ACSM3: variants seen among roughly 807,000 people sequenced by gnomAD.
ACSM3 encodes the protein acyl-CoA synthetase medium chain family member 3.
Under a neutral mutation model 74.1 loss-of-function variants are expected in ACSM3, and 61 were observed. The observed-to-expected ratio is 0.82, with a 90% CI of 0.67 to 1.02. The LOEUF is 1.02. Ranked by LOEUF, ACSM3 falls within the 50% of genes least tolerant of loss-of-function variation. ACSM3 has a pLI of 0.00. For synonymous variants in ACSM3, 213 were observed against 241.5 expected (o/e 0.88, Z 1.09); for missense variants, 660 against 697.0 (o/e 0.95, Z 0.60).
intron 1 of ACSM3, among the ~76,000 whole-genome samples, chr16:20,683,593 C>T (rs2079489032): frequency 6.6e-6 from 1 of 150,754 alleles, no homozygotes; most frequent in Admixed American, 6.6e-5. Flanking sequence ...AATGTCCTTC[C>T]TTTGTTTCTA....
At chr16:20,782,810 C>T (rs1254840682) in intron 7 of ACSM3, among the ~76,000 whole-genome samples, 1 of 152,164 alleles carries the variant, frequency 6.6e-6, no homozygotes, top group Non-Finnish European at 1.5e-5. Context: ...CTTACATTTC[C>T]CAGCTTATTA....
chr16:20,760,509 C>G (rs920179708), upstream of ACSM3, among the ~76,000 whole-genome samples: 1 of 152,130 alleles, frequency 6.6e-6, no homozygotes, highest in African/African-American at 2.4e-5. Flanking sequence ...AGCATTACAA[C>G]ATTTCTTACA....
At chr16:20,723,112 C>T (rs574529485) in intron 1 of ACSM3, among the ~76,000 whole-genome samples, 1 of 152,236 alleles carries the variant, frequency 6.6e-6, no homozygotes, top group Admixed American at 6.5e-5. Context: ...CAATTCCCAC[C>T]TATGAGTAAG....
At chr16:20,793,390 AC>A (rs35457598) in intron 12 of ACSM3, among the ~76,000 whole-genome samples, 2 of 152,140 alleles carry the variant, frequency 1.3e-5, no homozygotes, top group African/African-American at 2.4e-5. Flanking sequence ...AATCACTTGG[AC>A]CCGGGACGGG....
intron 1 of ACSM3, among the ~76,000 whole-genome samples, chr16:20,687,998 T>C (rs1567312876): frequency 6.6e-6 from 1 of 151,926 alleles, no homozygotes; most frequent in Non-Finnish European, 1.5e-5. Flanking sequence ...GGCAGGAGAA[T>C]TGCTTGAACC....
intron 2 of ACSM3, among the ~76,000 whole-genome samples, chr16:20,773,625 C>G (rs2080219966): frequency 1.3e-5 from 2 of 152,152 alleles, no homozygotes; most frequent in Non-Finnish European, 2.9e-5. Flanking sequence ...ACTGGTCATT[C>G]AGGAGCATGT....
intron 1 of ACSM3, among the ~76,000 whole-genome samples, chr16:20,745,582 TAA>T (rs1291641842): frequency 3.5e-3 from 25 of 7,150 alleles, no homozygotes; most frequent in Admixed American, 0.01. Context: ...TGTCTCAAAA[TAA>T]ATAAATAAAT....
In ACSM3 at chr16:20,791,230, T is replaced by TTG. The variant is rs755382564; in HGVS notation, c.1326+544_1326+545dup. ...GTATTTGATATAATGTAACAGTATC[T>TTG]TGTTTTTTCTTATGTCAGACTTGCA... On this transcript the variant is annotated intron_variant, in intron 10 of 13. Coordinates refer to ENST00000289416, the MANE Select transcript of ACSM3 (RefSeq NM_005622.4). Among the ~76,000 whole-genome samples, 8 of 152,344 alleles carry TTG rather than the reference T, an allele frequency of 5.3e-5. No individual in the cohort carries two copies. In the South Asian group the frequency reaches 1.7e-3, roughly 32 times the overall value.
chr16:20,722,107 C>T (rs1298869053), intron 1 of ACSM3: 1 of 152,090 alleles, frequency 6.6e-6, no homozygotes, highest in Non-Finnish European at 1.5e-5. Flanking sequence ...GAGACAATGA[C>T]TTCTTGGTCT....
intron 1 of ACSM3, among the ~76,000 whole-genome samples, chr16:20,725,017 AT>A (rs1244174618): frequency 6.6e-6 from 1 of 152,226 alleles, no homozygotes; most frequent in Non-Finnish European, 1.5e-5. Context: ...TCTTCACAGA[AT>A]TGGAAAAAAC....
chr16:20,701,566 G>C (rs2079712951), intron 1 of ACSM3, among the ~76,000 whole-genome samples: 1 of 152,178 alleles, frequency 6.6e-6, no homozygotes, highest in African/African-American at 2.4e-5. Context: ...GGATGCATGT[G>C]CAGAACATGC....
chr16:20,695,589 T>C (rs1025825555), intron 1 of ACSM3, among the ~76,000 whole-genome samples: 1 of 152,024 alleles, frequency 6.6e-6, no homozygotes, highest in Non-Finnish European at 1.5e-5. Context: ...CTATCTATTA[T>C]CTATCTATCA....
chr16:20,740,914 A>T (rs3785080), intron 1 of ACSM3, among the ~76,000 whole-genome samples: 1 of 152,010 alleles, frequency 6.6e-6, no homozygotes, highest in Non-Finnish European at 1.5e-5. Flanking sequence ...GCTGTCATGA[A>T]AAATGTGTTT....
At chr16:20,738,807 C>A in intron 1 of ACSM3, 3 of 1,466,172 alleles carry the variant, frequency 2.0e-6, no homozygotes, top group Non-Finnish European at 2.8e-6. Context: ...TGAGTCATGC[C>A]CAAGAAGCCA....
intron 1 of ACSM3, chr16:20,739,090 T>C: frequency 6.2e-7 from 1 of 1,613,304 alleles, no homozygotes; most frequent in Admixed American, 1.7e-5. Flanking sequence ...ATAAAACTAA[T>C]GAGCAGAAAT....
intron 3 of ACSM3, among the ~76,000 whole-genome samples, chr16:20,758,029 C>A (rs1340273694): frequency 6.6e-6 from 1 of 151,942 alleles, no homozygotes; most frequent in South Asian, 2.1e-4. Context: ...CTGCTGGATT[C>A]GGTTTGCCAG....
At chr16:20,724,751 G>A (rs1170990068) in intron 1 of ACSM3, among the ~76,000 whole-genome samples, 1 of 152,150 alleles carries the variant, frequency 6.6e-6, no homozygotes, top group Non-Finnish European at 1.5e-5. Context: ...CAAACAGAGA[G>A]CCAAATCATG....
chr16:20,710,379 TC>T (rs2152375924), intron 1 of ACSM3, among the ~76,000 whole-genome samples: 1 of 152,328 alleles, frequency 6.6e-6, no homozygotes, highest in Non-Finnish European at 1.5e-5. Flanking sequence ...CATCTTCCCA[TC>T]TGAGTGTAGC....
At chr16:20,774,520 C>T (rs2080232129) in intron 2 of ACSM3, among the ~76,000 whole-genome samples, 2 of 152,210 alleles carry the variant, frequency 1.3e-5, no homozygotes, top group African/African-American at 4.8e-5. Flanking sequence ...GGATTACAGG[C>T]ATGAGCCACT....
Sources: allele counts gnomAD v4.1 joint callset (sites outside exome capture counted in the v4.1 genomes callset), GRCh38; gene constraint gnomAD v4.1.1; transcripts MANE v1.5; gene names NCBI Gene and HGNC (gene_info 2026-07-23, HGNC 2026-07-21).